WWP1: variants seen among roughly 807,000 people sequenced by gnomAD.
WWP1 encodes the protein WW domain containing E3 ubiquitin protein ligase 1.
WWP1 carries 49 observed loss-of-function variants against 130.6 expected under a neutral mutation model. The observed-to-expected ratio is 0.38, with a 90% CI of 0.30 to 0.48. WWP1 has a LOEUF of 0.48. Among genes scored for constraint, WWP1 ranks in the 20% least tolerant of loss-of-function variants. WWP1 has a pLI of 0.99. For missense variants in WWP1, 809 were observed against 1,100.6 expected (o/e 0.74, Z 3.75); for synonymous variants, 332 against 367.8 (o/e 0.90, Z 1.11).
rs1208451403 is a variant in WWP1, at chr8:86,438,447, A to G, written c.1750-138A>G. On this transcript the variant is annotated intron_variant, in intron 16 of 24. Coordinates refer to ENST00000517970, the MANE Select transcript of WWP1 (RefSeq NM_007013.4). The stretch of plus-strand genomic sequence containing the variant: ...TTCATCTAGTTTGTGAAAGAAACCA[A>G]TTCATCTCTTGAGTTAAAAGCATTG... 4.8e-6 allele frequency: 3 copies of G among 620,540 alleles called. No individual in the cohort carries two copies. In the South Asian group the frequency reaches 9.0e-5, roughly 19 times the overall value. The allele number at this position is 620,540 out of a possible 1,614,324, so 38.4% of individuals were successfully genotyped here.
At chr8:86,430,355 A>T (rs1809869103) in intron 11 of WWP1, among the ~76,000 whole-genome samples, 1 of 152,050 alleles carries the variant, frequency 6.6e-6, no homozygotes, top group African/African-American at 2.4e-5. Flanking sequence ...ATCACAGTTC[A>T]CTGTAGCCTC....
At chr8:86,393,681 T>C (rs1172480694) in intron 5 of WWP1, among the ~76,000 whole-genome samples, 1 of 152,218 alleles carries the variant, frequency 6.6e-6, no homozygotes, top group African/African-American at 2.4e-5. Flanking sequence ...GACTGTCACT[T>C]ACAAGCTATG....
At chr8:86,445,918 T>G (rs1330897475) in intron 18 of WWP1, among the ~76,000 whole-genome samples, 1 of 151,878 alleles carries the variant, frequency 6.6e-6, no homozygotes, top group East Asian at 1.9e-4. Flanking sequence ...ATGTTGAGCA[T>G]TTTTTCATAT....
rs988232921 is a variant in WWP1 at position 86,398,241 on chromosome 8, G to A, written c.335-101G>A. ...GGCATGCAAAGAATTCCTTCCAAAT[G>A]TCAAGTACTGAATTAGAGTGATTCT... is the stretch of plus-strand genomic sequence containing the variant. On this transcript the variant is annotated intron_variant, in intron 5 of 24. Coordinates refer to ENST00000517970, the MANE Select transcript of WWP1 (RefSeq NM_007013.4). 3 of 1,316,112 alleles carry A rather than the reference G, an allele frequency of 2.3e-6. No individual in the cohort carries two copies. In the African/African-American group the frequency reaches 4.4e-5, roughly 19 times the overall value. The allele number at this position is 1,316,112 out of a possible 1,614,324, so 81.5% of individuals were successfully genotyped here.
chr8:86,352,220 T>G (rs1822974685), intron 1 of WWP1, among the ~76,000 whole-genome samples: 1 of 150,504 alleles, frequency 6.6e-6, no homozygotes, highest in African/African-American at 2.4e-5. Flanking sequence ...AATTTTTTAT[T>G]TTTATTTATT....
chr8:86,388,655 A>G (rs996335403), intron 5 of WWP1, among the ~76,000 whole-genome samples: 3 of 152,002 alleles, frequency 2.0e-5, no homozygotes, highest in African/African-American at 4.8e-5. Context: ...ATTGCTTACA[A>G]TGTTGCTTTG....
At chr8:86,412,735 C>T (rs1311132137) in intron 9 of WWP1, among the ~76,000 whole-genome samples, 3 of 149,550 alleles carry the variant, frequency 2.0e-5, no homozygotes, top group Non-Finnish European at 4.4e-5. Context: ...TTTCTCAGTG[C>T]CCTTTACTGG....
At chr8:86,461,195 A>T in intron 22 of WWP1, 29 bp from the exon 23 acceptor site, 1 of 1,565,332 alleles carries the variant, frequency 6.4e-7, no homozygotes, top group Non-Finnish European at 8.8e-7. Flanking sequence ...TTAGCATTTC[A>T]TATTAAAGTA....
intron 4 of WWP1, 120 bp from the exon 5 acceptor site, chr8:86,381,384 AT>A: frequency 1.6e-6 from 2 of 1,226,036 alleles, no homozygotes; most frequent in Non-Finnish European, 2.2e-6. Flanking sequence ...TTCTTCTCAA[AT>A]AAATGAAATT....
Position 86,430,760 on chromosome 8 carries a change from T to G in WWP1, c.1387+9T>G. 6.5e-7 allele frequency: 1 copy of G among 1,533,612 alleles called. No homozygotes were observed. Among genetic ancestry groups the G allele is most frequent in the South Asian group, 1.2e-5 (1 of 83,542 alleles). ...TTTGCCACCAGGCTGGGGTAAGCTG[T>G]TTTTGCTAATGATCTATAAGGGAGA... On this transcript the variant is annotated intron_variant, in intron 12 of 24. Transcript: ENST00000517970.
intron 2 of WWP1, among the ~76,000 whole-genome samples, chr8:86,370,306 C>T (rs968218865): frequency 2.6e-5 from 4 of 152,156 alleles, no homozygotes; most frequent in African/African-American, 9.7e-5. Flanking sequence ...ACAGAAATAT[C>T]TCAGTAGGCA....
intron 24 of WWP1, among the ~76,000 whole-genome samples, chr8:86,462,136 G>C (rs1811802709): frequency 6.6e-6 from 1 of 152,080 alleles, no homozygotes; most frequent in Non-Finnish European, 1.5e-5. Flanking sequence ...GCCCCATGGT[G>C]GGGCACAAAT....
intron 5 of WWP1, among the ~76,000 whole-genome samples, chr8:86,382,244 T>C (rs1212221995): frequency 6.6e-6 from 1 of 152,210 alleles, no homozygotes; most frequent in African/African-American, 2.4e-5. Context: ...TCCATGATAC[T>C]TTTTCTAGAC....
intron 17 of WWP1, 98 bp from the exon 18 acceptor site, chr8:86,442,521 G>A: frequency 5.9e-6 from 7 of 1,178,250 alleles, no homozygotes; most frequent in Non-Finnish European, 7.9e-6. Context: ...CTTAAAGACT[G>A]TTGAGCAGAG....
intron 9 of WWP1, among the ~76,000 whole-genome samples, chr8:86,421,722 G>T (rs931595390): frequency 1.3e-5 from 2 of 152,056 alleles, no homozygotes; most frequent in African/African-American, 4.8e-5. Context: ...TACTTGGGAG[G>T]CTGAGACAGG....
At chr8:86,461,102 C>T in intron 22 of WWP1, 122 bp from the exon 23 acceptor site, 1 of 910,424 alleles carries the variant, frequency 1.1e-6, no homozygotes, top group Non-Finnish European at 1.7e-6. Context: ...AGCCACCACG[C>T]CCAACCTTTA....
At chr8:86,417,071 G>T (rs2130598700) in intron 9 of WWP1, among the ~76,000 whole-genome samples, 1 of 152,266 alleles carries the variant, frequency 6.6e-6, no homozygotes, top group East Asian at 1.9e-4. Flanking sequence ...TCTTGGGCCA[G>T]CTGCCAGGGG....
At chr8:86,423,740 C>T (rs1232310821) in intron 9 of WWP1, among the ~76,000 whole-genome samples, 1 of 152,102 alleles carries the variant, frequency 6.6e-6, no homozygotes, top group Admixed American at 6.5e-5. Context: ...CTGTTTGGTA[C>T]ACTTCCCAGA....
In WWP1 at chr8:86,431,699, A is replaced by C. The variant is rs1224954729; in HGVS notation, c.1557A>C (p.Thr519=). Residue 519 remains threonine, a synonymous_variant, in exon 14 of 25, where the codon ACA becomes ACC. Transcript: ENST00000517970. ...TAAGGTACTTTGTTGATCATAACAC[A>C]AGAACAACAACATTCAAAGATCCTC... The part of the protein sequence containing the change: ...EGVRYFVDHN[T]RTTTFKDPRN... 5.0e-6 allele frequency: 8 copies of C among 1,614,004 alleles called. No individual in the cohort carries two copies. The South Asian group carries it at 7.7e-5, about 16-fold the overall frequency.
Sources: allele counts gnomAD v4.1 joint callset (sites outside exome capture counted in the v4.1 genomes callset), GRCh38; gene constraint gnomAD v4.1.1; transcripts MANE v1.5; gene names NCBI Gene and HGNC (gene_info 2026-07-23, HGNC 2026-07-21).